Variants in SENP5 observed in about 807,000 individuals in gnomAD.
SENP5 encodes the protein SUMO specific peptidase 5.
A neutral mutation model predicts 74.2 loss-of-function variants in SENP5; 21 were observed. The ratio of observed to expected loss-of-function variants is 0.28; its 90% confidence interval spans 0.20 to 0.41. The LOEUF is 0.41. Ranked by LOEUF, SENP5 falls within the 10% of genes least tolerant of loss-of-function variation. SENP5 has a pLI of 1.00. For missense variants in SENP5, 717 were observed against 889.1 expected, an observed-to-expected ratio of 0.81 and a Z score of 2.46; for synonymous variants, 311 against 312.7, an observed-to-expected ratio of 0.99 and a Z score of 0.06.
At chr3:196,871,963 A>G (rs1713236467) in intron 1 of SENP5, among the ~76,000 whole-genome samples, 1 of 152,188 alleles carries the variant, frequency 6.6e-6, no homozygotes, top group South Asian at 2.1e-4. Flanking sequence ...ACATTTTGGA[A>G]GCTGGAATGC....
At position 196,903,598 on chromosome 3, in the gene SENP5, A is replaced by G. The variant is rs1714785909; in HGVS notation, c.1872A>G (p.Arg624=). 1 of 1,592,950 alleles carries G rather than the reference A, an allele frequency of 6.3e-7. No homozygotes were observed. Among genetic ancestry groups the G allele is most frequent in the Non-Finnish European group, 8.6e-7 (1 of 1,169,502 alleles). ...CCAAAGGATATAATGGAGTAAAAAG[A>G]TGGACTAAAAAGGTATTCTCTTTAT... ...LVTKGYNGVK[R]WTKKVDLFKK... The change falls in exon 6 of 10, where the codon AGA becomes AGG. Residue 624 remains arginine, a synonymous_variant. Transcript: ENST00000323460.
At chr3:196,930,047 A>G (rs578020286) in intron 9 of SENP5, among the ~76,000 whole-genome samples, 2 of 152,034 alleles carry the variant, frequency 1.3e-5, no homozygotes, top group Non-Finnish European at 2.9e-5. Flanking sequence ...CAGTGATTAG[A>G]TTTTAAATAA....
chr3:196,882,634 G>A (rs1007577403), intron 1 of SENP5, among the ~76,000 whole-genome samples: 6 of 152,104 alleles, frequency 3.9e-5, no homozygotes, highest in African/African-American at 7.2e-5. Context: ...CTCCCAAGTA[G>A]CTGGGATTAC....
intron 9 of SENP5, among the ~76,000 whole-genome samples, chr3:196,930,302 G>A (rs76781137): frequency 0.015 from 2,212 of 152,294 alleles, 28 homozygotes; most frequent in Non-Finnish European, 0.022. Flanking sequence ...ACTCCAGCAG[G>A]TTGCACTTTG....
intron 1 of SENP5, among the ~76,000 whole-genome samples, chr3:196,875,220 T>C (rs1713404483): frequency 6.6e-6 from 1 of 152,204 alleles, no homozygotes; most frequent in African/African-American, 2.4e-5. Context: ...CCCCAACAGA[T>C]AGGCTTTTGA....
At chr3:196,929,260 T>G in intron 8 of SENP5, 1 of 209,066 alleles carries the variant, frequency 4.8e-6, no homozygotes, top group Non-Finnish European at 9.4e-6. Context: ...CTCAGCGGAG[T>G]TGTCGCCATC....
intron 2 of SENP5, among the ~76,000 whole-genome samples, chr3:196,894,941 C>T (rs962337502): frequency 3.9e-5 from 6 of 152,180 alleles, no homozygotes; most frequent in Middle Eastern, 3.2e-3. Context: ...AGTCATATTT[C>T]GCATCTTTTC....
At chr3:196,923,342 G>T in intron 6 of SENP5, 72 bp from the exon 7 acceptor site, 1 of 1,514,712 alleles carries the variant, frequency 6.6e-7, no homozygotes, top group South Asian at 1.3e-5. Context: ...GTCAGCAAAT[G>T]GAAGCTGCTG....
intron 9 of SENP5, 46 bp downstream of exon 9, chr3:196,929,729 T>G: frequency 7.4e-7 from 1 of 1,358,826 alleles, no homozygotes; most frequent in Non-Finnish European, 1.1e-6. Context: ...GTGAATTGAG[T>G]CTGTTGGGTT....
chr3:196,898,611 C>T (rs1246527423), intron 2 of SENP5, among the ~76,000 whole-genome samples: 1 of 151,634 alleles, frequency 6.6e-6, no homozygotes, highest in East Asian at 2.0e-4. Context: ...ATTCTATTTA[C>T]TGTCTTAAAA....
At position 196,931,419 on chromosome 3, in the gene SENP5, G is replaced by A. The variant is rs138277089; in HGVS notation, c.*496G>A. 1.7e-3 allele frequency: 270 copies of A among 157,392 alleles called. 1 individual carries two copies. The highest frequency in any genetic ancestry group is 2.7e-3 in the Non-Finnish European group (199 of 73,258). 9.7% of individuals were successfully genotyped at this position (157,392 alleles called of 1,614,324 possible). On this transcript the variant is annotated 3_prime_UTR_variant, in exon 10 of 10. Transcript: ENST00000323460. ...CCAGTCCTGTTTTACTTTACCAGCG[G>A]CAACTTTCACCAACTTCCCTCTCCA...
At chr3:196,896,950 C>T (rs548108481) in intron 2 of SENP5, among the ~76,000 whole-genome samples, 1 of 152,032 alleles carries the variant, frequency 6.6e-6, no homozygotes, top group East Asian at 1.9e-4. Flanking sequence ...GCATTTCTAC[C>T]GAATAAGAAA....
chr3:196,900,455 G>C, intron 5 of SENP5, 43 bp downstream of exon 5: 1 of 1,502,352 alleles, frequency 6.7e-7, no homozygotes, highest in East Asian at 2.3e-5. Flanking sequence ...GTGTTCTTGT[G>C]TATTAAAATG....
chr3:196,898,966 C>T (rs1714581092), intron 2 of SENP5, among the ~76,000 whole-genome samples: 1 of 151,662 alleles, frequency 6.6e-6, no homozygotes, highest in South Asian at 2.1e-4. Flanking sequence ...GTAGTCACAG[C>T]TATTTGGGAG....
rs77109377 is a variant in SENP5, at chr3:196,903,967, C to T, written c.1884+357C>T. On this transcript the variant is annotated intron_variant, in intron 6 of 9. Transcript: ENST00000323460. The stretch of plus-strand genomic sequence containing the variant: ...TTGGGATGCTGAGACCAGAGGATCA[C>T]TTGAGCACAAGCATTTGAGGCCAGC... Among the ~76,000 whole-genome samples the T allele has an allele frequency of 2.2e-3, 342 of 152,348 alleles. 11 individuals are homozygous for T. In the East Asian group the frequency reaches 0.056, roughly 25 times the overall value.
chr3:196,880,747 T>C (rs1434939643), intron 1 of SENP5, among the ~76,000 whole-genome samples: 2 of 148,820 alleles, frequency 1.3e-5, no homozygotes, highest in Admixed American at 1.4e-4. Flanking sequence ...GTTCAAGCAA[T>C]TCTCCTGCCT....
intron 6 of SENP5, among the ~76,000 whole-genome samples, chr3:196,911,080 A>G (rs998134035): frequency 1.1e-4 from 16 of 152,246 alleles, no homozygotes; most frequent in African/African-American, 3.9e-4. Flanking sequence ...AAGATGAATT[A>G]AAGACTTAAT....
intron 2 of SENP5, among the ~76,000 whole-genome samples, chr3:196,890,607 G>A (rs570604950): frequency 1.4e-4 from 22 of 152,314 alleles, no homozygotes; most frequent in African/African-American, 4.8e-4. Context: ...AGATTTGAGG[G>A]CGTGCGTGAA....
intron 2 of SENP5, 38 bp downstream of exon 2, chr3:196,886,732 C>T: frequency 6.8e-7 from 1 of 1,464,082 alleles, no homozygotes. Flanking sequence ...AAACTCCAAG[C>T]TCACATTTGC....
Sources: gnomAD v4.1 joint callset for allele counts (sites outside exome capture counted in the v4.1 genomes callset) on GRCh38, gnomAD v4.1.1 for gene constraint, MANE v1.5 for transcripts, NCBI Gene and HGNC (gene_info 2026-07-23, HGNC 2026-07-21) for gene names.